PARD3: variants seen among roughly 807,000 people sequenced by gnomAD.
PARD3 encodes the protein par-3 family cell polarity regulator, also known as partitioning defective 3 homolog.
A neutral mutation model predicts 155.4 loss-of-function variants in PARD3; 75 were observed. The ratio of observed to expected loss-of-function variants is 0.48; its 90% CI spans 0.40 to 0.58. The LOEUF is 0.58. Ranked by LOEUF, PARD3 falls within the 20% of genes least tolerant of loss-of-function variation. The probability of loss-of-function intolerance (pLI) is 0.00; values close to 1 mark genes in which losing one functional copy is unlikely to be tolerated. For missense variants in PARD3, 1,642 were observed against 1,721.7 expected (o/e 0.95, Z 0.82); for synonymous variants, 576 against 610.5 (o/e 0.94, Z 0.83).
At chr10:34,399,627 C>A (rs1016018079) in intron 6 of PARD3, among the ~76,000 whole-genome samples, 2 of 152,156 alleles carry the variant, frequency 1.3e-5, no homozygotes, top group African/African-American at 4.8e-5. Flanking sequence ...CATACCTGAA[C>A]ACTAGTCTGA....
rs149246989 is a variant in PARD3, at chr10:34,602,579, C to T, written c.223-85420G>A. ...AAAAGAAAATTGTGGAAAAATCATACGACAAAATACTGCACAAGATGGACT... is the reference window on the plus strand; with the variant it reads ...AAAAGAAAATTGTGGAAAAATCATATGACAAAATACTGCACAAGATGGACT... On this transcript the variant is annotated intron_variant, in intron 2 of 24. Coordinates refer to ENST00000374788, the MANE Select transcript of PARD3 (RefSeq NM_001184785.2). Among the ~76,000 whole-genome samples the T allele has an allele frequency of 6.4e-4, 98 of 152,228 alleles. 1 individual carries two copies. The East Asian group carries it at 0.013, about 21-fold the overall frequency.
chr10:34,487,100 A>G (rs1485191399), intron 3 of PARD3, among the ~76,000 whole-genome samples: 1 of 152,032 alleles, frequency 6.6e-6, no homozygotes, highest in Non-Finnish European at 1.5e-5. Context: ...TGAGCTGAAC[A>G]ATGTCTCTGC....
intron 20 of PARD3, among the ~76,000 whole-genome samples, chr10:34,289,235 G>A (rs1228848739): frequency 1.2e-4 from 18 of 152,044 alleles, no homozygotes; most frequent in Admixed American, 1.2e-3. Flanking sequence ...TGTTGCCCAG[G>A]CTAGAGTGCA....
At chr10:34,485,817 G>A (rs573220992) in intron 3 of PARD3, among the ~76,000 whole-genome samples, 1 of 151,856 alleles carries the variant, frequency 6.6e-6, no homozygotes, top group Admixed American at 6.6e-5. Context: ...ATATATTTTG[G>A]GGTAAAATAC....
intron 22 of PARD3, among the ~76,000 whole-genome samples, chr10:34,259,950 C>G (rs1332777732): frequency 6.6e-6 from 1 of 152,154 alleles, no homozygotes; most frequent in Non-Finnish European, 1.5e-5. Context: ...CTCAATGATC[C>G]TCCTGCCTCA....
intron 2 of PARD3, among the ~76,000 whole-genome samples, chr10:34,608,419 T>C (rs990478073): frequency 6.6e-6 from 1 of 152,190 alleles, no homozygotes; most frequent in Admixed American, 6.5e-5. Context: ...TAGAGCCATC[T>C]AGTTCTTAGG....
chr10:34,266,397 T>A (rs184902324), intron 22 of PARD3, among the ~76,000 whole-genome samples: 1 of 152,320 alleles, frequency 6.6e-6, no homozygotes, highest in East Asian at 1.9e-4. Context: ...TTCCCAACTT[T>A]TTGGATTAGT....
At chr10:34,189,414 C>T (rs1337413111) in intron 22 of PARD3, among the ~76,000 whole-genome samples, 2 of 152,160 alleles carry the variant, frequency 1.3e-5, no homozygotes, top group African/African-American at 2.4e-5. Flanking sequence ...GTGGTGCAAA[C>T]GCCATAGGGG....
Position 34,441,501 on chromosome 10 carries a change from C to G in PARD3, c.714+8816G>C, listed in dbSNP as rs532077006. Among the ~76,000 whole-genome samples the G allele has an allele frequency of 4.6e-5, 7 of 152,296 alleles. No homozygotes were observed. In the South Asian group the frequency reaches 6.2e-4, roughly 14 times the overall value. On this transcript the variant is annotated intron_variant, in intron 5 of 24. Coordinates refer to ENST00000374788, the MANE Select transcript of PARD3 (RefSeq NM_001184785.2). The stretch of plus-strand genomic sequence containing the variant: ...ACACACTCATTGGAGGGACAGGTTT[C>G]CAACCCTGAAACATGCTTCCCAGAT...
At chr10:34,795,152 A>G (rs11009938) in intron 1 of PARD3, among the ~76,000 whole-genome samples, 53,744 of 152,160 alleles carry the variant, frequency 0.35, 10,648 homozygotes, top group African/African-American at 0.55. Flanking sequence ...ACCATCCGGA[A>G]GCCTCTATGC....
intron 22 of PARD3, among the ~76,000 whole-genome samples, chr10:34,218,057 C>T (rs1183356701): frequency 6.6e-6 from 1 of 152,046 alleles, no homozygotes; most frequent in Non-Finnish European, 1.5e-5. Flanking sequence ...TCCTGCACGC[C>T]CCTACGTCCC....
At chr10:34,636,499 T>C (rs1290750422) in intron 2 of PARD3, among the ~76,000 whole-genome samples, 1 of 152,136 alleles carries the variant, frequency 6.6e-6, no homozygotes, top group Non-Finnish European at 1.5e-5. Context: ...ACAGGACACA[T>C]GAACCCAGAC....
chr10:34,142,260 T>C lies in PARD3; in HGVS notation c.3420-10677A>G, dbSNP rs548785697. ...AAATGCACTTTAGAAAATAAAATGTTGGCTGGGTGCCGGGGCTTATCCCTG... is the reference window on the plus strand; with the variant it reads ...AAATGCACTTTAGAAAATAAAATGTCGGCTGGGTGCCGGGGCTTATCCCTG... On this transcript the variant is annotated intron_variant, in intron 22 of 24. Coordinates refer to ENST00000374788, the MANE Select transcript of PARD3 (RefSeq NM_001184785.2). Among the ~76,000 whole-genome samples, 5 of 152,254 alleles carry C rather than the reference T, an allele frequency of 3.3e-5. No individual in the cohort carries two copies. The South Asian group carries it at 6.2e-4, about 19-fold the overall frequency.
chr10:34,510,178 A>G (rs2081319801), intron 3 of PARD3, among the ~76,000 whole-genome samples: 1 of 152,222 alleles, frequency 6.6e-6, no homozygotes, highest in African/African-American at 2.4e-5. Context: ...AAAGCCAAAT[A>G]TGAAATTCTA....
At chr10:34,518,221 G>A (rs886293853) in intron 2 of PARD3, among the ~76,000 whole-genome samples, 16 of 152,198 alleles carry the variant, frequency 1.1e-4, no homozygotes, top group East Asian at 1.9e-4. Context: ...TAAATACACC[G>A]ACAAATGGGT....
intron 2 of PARD3, among the ~76,000 whole-genome samples, chr10:34,649,339 G>T (rs182237235): frequency 6.6e-6 from 1 of 152,332 alleles, no homozygotes; most frequent in East Asian, 1.9e-4. Context: ...GTGCCATCAG[G>T]CTAGAGTGCA....
chr10:34,126,958 T>C (rs1947321472), intron 23 of PARD3, among the ~76,000 whole-genome samples: 2 of 152,230 alleles, frequency 1.3e-5, no homozygotes, highest in African/African-American at 4.8e-5. Flanking sequence ...AAGTTGTCTG[T>C]CTGAAGTTGC....
chr10:34,651,068 A>G (rs1157993850), intron 2 of PARD3, among the ~76,000 whole-genome samples: 1 of 143,772 alleles, frequency 7.0e-6, no homozygotes, highest in African/African-American at 2.6e-5. Flanking sequence ...ACTGGCTCAC[A>G]CTTTGGATGC....
intron 19 of PARD3, among the ~76,000 whole-genome samples, chr10:34,324,848 A>G (rs1159734006): frequency 6.6e-6 from 1 of 152,170 alleles, no homozygotes; most frequent in African/African-American, 2.4e-5. Context: ...ACTGCCAAGC[A>G]TCATCGCTCA....
Sources: gnomAD v4.1 joint callset for allele counts (sites outside exome capture counted in the v4.1 genomes callset) on GRCh38, gnomAD v4.1.1 for gene constraint, MANE v1.5 for transcripts, NCBI Gene and HGNC (gene_info 2026-07-23, HGNC 2026-07-21) for gene names.